CNTN4: variants seen among roughly 807,000 people sequenced by gnomAD.
CNTN4 encodes contactin 4.
CNTN4 carries 77 observed loss-of-function variants against 122.5 expected under a neutral mutation model. The ratio of observed to expected loss-of-function variants is 0.63; its 90% CI spans 0.52 to 0.76. The LOEUF (loss-of-function observed/expected upper bound fraction) is 0.76. Among genes scored for constraint, CNTN4 ranks in the 30% least tolerant of loss-of-function variants. The probability of loss-of-function intolerance (pLI) is 0.00; values close to 1 mark genes in which losing one functional copy is unlikely to be tolerated. For missense variants in CNTN4, 1,256 were observed against 1,259.1 expected (o/e 1.00, Z 0.04); for synonymous variants, 512 against 447.0 (o/e 1.15, Z -1.83).
Position 3,042,990 on chromosome 3 carries a change from G to A in CNTN4, c.2525G>A (p.Arg842Lys), listed in dbSNP as rs760166481. Reference sequence around the variant, plus strand: ...TTATCTTCTTAGGTTAAATATTGGAGACATGAAGACAAAGAAGAAAATGCT... The same window carrying A: ...TTATCTTCTTAGGTTAAATATTGGAAACATGAAGACAAAGAAGAAAATGCT... ...RIQGYEVKYW[R>K]HEDKEENARK... The change falls in exon 22 of 25, where the codon AGA becomes AAA. Residue 842 changes from arginine (R) to lysine (K), a missense_variant. Transcript: ENST00000418658. 6.8e-6 allele frequency: 11 copies of A among 1,613,654 alleles called. No individual in the cohort carries two copies. Among genetic ancestry groups the A allele is most frequent in the Non-Finnish European group, 9.3e-6 (11 of 1,179,610 alleles).
At chr3:2,666,535 T>C (rs1035769539) in intron 4 of CNTN4, among the ~76,000 whole-genome samples, 1 of 152,238 alleles carries the variant, frequency 6.6e-6, no homozygotes, top group Non-Finnish European at 1.5e-5. Context: ...TGTTAGCTTT[T>C]TCTTCCAAAA....
At chr3:2,596,240 G>T (rs1246654327) in intron 4 of CNTN4, among the ~76,000 whole-genome samples, 3 of 152,188 alleles carry the variant, frequency 2.0e-5, no homozygotes, top group Non-Finnish European at 4.4e-5. Context: ...AGAAACAGGT[G>T]AGGGAAGCAT....
chr3:2,153,056 T>C (rs1045394931), intron 2 of CNTN4, among the ~76,000 whole-genome samples: 2 of 152,184 alleles, frequency 1.3e-5, no homozygotes, highest in Admixed American at 6.5e-5. Flanking sequence ...CCAATGAGTT[T>C]GGAGGTGGTC....
intron 2 of CNTN4, among the ~76,000 whole-genome samples, chr3:2,194,905 C>T (rs924324191): frequency 6.6e-6 from 1 of 152,170 alleles, no homozygotes; most frequent in African/African-American, 2.4e-5. Flanking sequence ...AGACAATAAA[C>T]TCTGTTGTTT....
At chr3:2,367,629 A>G (rs1341413685) in intron 3 of CNTN4, among the ~76,000 whole-genome samples, 2 of 152,070 alleles carry the variant, frequency 1.3e-5, no homozygotes, top group African/African-American at 2.4e-5. Context: ...GATTCAAGGT[A>G]CATACCACCA....
At chr3:2,691,636 T>C (rs576700361) in intron 4 of CNTN4, among the ~76,000 whole-genome samples, 10 of 152,274 alleles carry the variant, frequency 6.6e-5, no homozygotes, top group Non-Finnish European at 1.5e-4. Flanking sequence ...ATCACGCTAT[T>C]TACCTGGAGC....
At chr3:2,380,796 A>G (rs1281845210) in intron 3 of CNTN4, among the ~76,000 whole-genome samples, 2 of 152,016 alleles carry the variant, frequency 1.3e-5, no homozygotes, top group African/African-American at 4.8e-5. Context: ...GGGGATGCCT[A>G]AGAGAGGAAA....
chr3:2,191,881 C>G (rs1436576089), intron 2 of CNTN4, among the ~76,000 whole-genome samples: 1 of 151,848 alleles, frequency 6.6e-6, no homozygotes, highest in Non-Finnish European at 1.5e-5. Flanking sequence ...CCTCCCCCCT[C>G]CCCCCACTCC....
At chr3:2,530,140 C>G (rs1216147124) in intron 3 of CNTN4, among the ~76,000 whole-genome samples, 1 of 152,018 alleles carries the variant, frequency 6.6e-6, no homozygotes, top group African/African-American at 2.4e-5. Context: ...GCAGTAGGAG[C>G]TTTTCTTTCT....
intron 4 of CNTN4, among the ~76,000 whole-genome samples, chr3:2,710,279 C>A (rs920501002): frequency 1.3e-5 from 2 of 152,162 alleles, no homozygotes; most frequent in South Asian, 2.1e-4. Flanking sequence ...GTGTGTAAAG[C>A]ACTTCACAGG....
chr3:2,667,968 A>G (rs1559365834), intron 4 of CNTN4, among the ~76,000 whole-genome samples: 1 of 152,074 alleles, frequency 6.6e-6, no homozygotes, highest in African/African-American at 2.4e-5. Context: ...TTTTGGTACC[A>G]GTACCATGCT....
chr3:2,834,073 G>A (rs1036140250), intron 7 of CNTN4, among the ~76,000 whole-genome samples: 2 of 151,918 alleles, frequency 1.3e-5, no homozygotes, highest in African/African-American at 4.8e-5. Context: ...TTGATCACGG[G>A]AGGCAGAGGT....
chr3:2,556,538 A>G (rs776297041), intron 3 of CNTN4, among the ~76,000 whole-genome samples: 5 of 152,206 alleles, frequency 3.3e-5, no homozygotes, highest in Admixed American at 6.5e-5. Flanking sequence ...TAGGGTTTTT[A>G]TAAACCATTT....
At position 2,579,825 on chromosome 3, in the gene CNTN4, A is replaced by G. The variant is rs374111611; in HGVS notation, c.55+8267A>G. Among the ~76,000 whole-genome samples, 14 of 152,348 alleles carry G rather than the reference A, an allele frequency of 9.2e-5. No individual in the cohort carries two copies. The East Asian group carries it at 1.2e-3, about 13-fold the overall frequency. ...AATAGCTTAGTTTGAAGGTAAACAT[A>G]GTTCCTGTTATGGCAATGATAATGA... On this transcript the variant is annotated intron_variant, in intron 4 of 24. Transcript: ENST00000418658.
At chr3:2,413,172 A>G (rs1337967904) in intron 3 of CNTN4, among the ~76,000 whole-genome samples, 2 of 152,164 alleles carry the variant, frequency 1.3e-5, no homozygotes, top group South Asian at 2.1e-4. Context: ...AACTCTTCTC[A>G]CTCATTTTGG....
chr3:2,735,462 C>T (rs1393785251), intron 4 of CNTN4, among the ~76,000 whole-genome samples: 1 of 152,168 alleles, frequency 6.6e-6, no homozygotes, highest in African/African-American at 2.4e-5. Flanking sequence ...AGAGAAAGCA[C>T]TTAGAAATGC....
At chr3:2,545,074 T>G (rs950748749) in intron 3 of CNTN4, among the ~76,000 whole-genome samples, 25 of 152,276 alleles carry the variant, frequency 1.6e-4, no homozygotes, top group Non-Finnish European at 3.2e-4. Context: ...TGTTGTATCT[T>G]TGTTCTTATT....
chr3:2,759,394 G>T (rs571366283), intron 6 of CNTN4, among the ~76,000 whole-genome samples: 1 of 152,074 alleles, frequency 6.6e-6, no homozygotes, highest in Non-Finnish European at 1.5e-5. Flanking sequence ...TGATCTGCCC[G>T]CCTCGGCCTC....
chr3:3,053,673 A>C, intron 23 of CNTN4, 134 bp from the exon 24 acceptor site: 1 of 829,680 alleles, frequency 1.2e-6, no homozygotes. Context: ...GAGCCTTCCA[A>C]ATGCAAGTGG....
Sources: gnomAD v4.1 joint callset for allele counts (sites outside exome capture counted in the v4.1 genomes callset) on GRCh38, gnomAD v4.1.1 for gene constraint, MANE v1.5 for transcripts, NCBI Gene and HGNC (gene_info 2026-07-23, HGNC 2026-07-21) for gene names.